SMARCA4: variants seen among roughly 807,000 people sequenced by gnomAD.
SMARCA4 encodes the protein SWI/SNF-related matrix-associated actin-dependent regulator of chromatin subfamily A member 4.
SMARCA4 carries 31 observed loss-of-function variants against 193.9 expected under a neutral mutation model. The ratio of observed to expected loss-of-function variants is 0.16; its 90% CI spans 0.12 to 0.22. The LOEUF is 0.22. Among genes scored for constraint, SMARCA4 ranks in the 10% least tolerant of loss-of-function variants. The pLI is 1.00. For missense variants in SMARCA4, 1,148 were observed against 2,296.0 expected (o/e 0.50, Z 10.22); for synonymous variants, 942 against 933.1 (o/e 1.01, Z -0.17).
chr19:11,031,118 A>C lies in SMARCA4; in HGVS notation c.3546+225A>C, dbSNP rs886354408. ...AGCCTTTCCCTCTGATTGGGAAAGC[A>C]GTGTATAAGCCATCCGTCGGTTTGG... On this transcript the variant is annotated intron_variant, in intron 25 of 34. Transcript: ENST00000344626. The surrounding 1 kb of genome is among the most constrained non-coding windows in gnomAD (Gnocchi z 4.3). The C allele has an allele frequency of 6.8e-6, 4 of 591,596 alleles. No individual in the cohort carries two copies. Among genetic ancestry groups the C allele is most frequent in the Non-Finnish European group, 1.2e-5 (4 of 328,130 alleles). The allele number at this position is 591,596 out of a possible 1,614,324, so 36.6% of individuals were successfully genotyped here.
At chr19:10,989,089 C>T (rs569875542) in intron 6 of SMARCA4, among the ~76,000 whole-genome samples, 12 of 152,310 alleles carry the variant, frequency 7.9e-5, no homozygotes, top group African/African-American at 2.4e-4. Context: ...ATGACCTGGG[C>T]GCGTCTATCA....
At chr19:11,007,404 T>G in intron 13 of SMARCA4, among the ~76,000 whole-genome samples, 1 of 135,748 alleles carries the variant, frequency 7.4e-6, no homozygotes, top group African/African-American at 2.8e-5. Flanking sequence ...CACTCCAGCT[T>G]GGGCAACAGA....
chr19:11,049,849 C>A (rs1395819202), intron 30 of SMARCA4, among the ~76,000 whole-genome samples: 1 of 152,248 alleles, frequency 6.6e-6, no homozygotes, highest in Non-Finnish European at 1.5e-5. Context: ...CATCTGTAAT[C>A]CCAGCACTTT....
chr19:11,046,867 G>C, intron 30 of SMARCA4, among the ~76,000 whole-genome samples: 1 of 148,316 alleles, frequency 6.7e-6, no homozygotes, highest in East Asian at 2.0e-4. Flanking sequence ...GAGGCAGAAG[G>C]ACCACAAGAA....
In SMARCA4 at chr19:11,002,280, C is replaced by T. The variant is rs186215376; in HGVS notation, c.1813-749C>T. ...AGATCACGAGGTCAGGAGATCGAGA[C>T]TGTCTTGGCTAACACAGTGAAACCC... is the stretch of plus-strand genomic sequence containing the variant. On this transcript the variant is annotated intron_variant, in intron 11 of 34. Coordinates refer to ENST00000344626, the MANE Select transcript of SMARCA4 (RefSeq NM_003072.5). 6.2e-3 allele frequency among the ~76,000 whole-genome samples: 936 copies of T among 151,370 alleles called. 15 individuals are homozygous for T. Among genetic ancestry groups the T allele is most frequent in the African/African-American group, 0.022 (907 of 41,180 alleles).
At chr19:11,054,011 T>C (rs985639085) in intron 30 of SMARCA4, among the ~76,000 whole-genome samples, 4 of 152,104 alleles carry the variant, frequency 2.6e-5, no homozygotes, top group African/African-American at 7.2e-5. Context: ...GGGCCAAAGA[T>C]GGGAACAAGC....
intron 30 of SMARCA4, among the ~76,000 whole-genome samples, chr19:11,052,979 C>T (rs1266502423): frequency 2.0e-5 from 3 of 152,232 alleles, no homozygotes; most frequent in Admixed American, 1.3e-4. Context: ...ACAGGAGCCA[C>T]ACCTGGGTTC....
intron 19 of SMARCA4, among the ~76,000 whole-genome samples, 175 bp from the exon 20 acceptor site, chr19:11,023,343 G>A (rs1436611147): frequency 6.6e-6 from 1 of 152,208 alleles, no homozygotes; most frequent in East Asian, 1.9e-4. Flanking sequence ...CTAAGGAAGA[G>A]GGTGCCCTGC....
chr19:11,053,064 A>C (rs2076348394), intron 30 of SMARCA4, among the ~76,000 whole-genome samples: 1 of 151,832 alleles, frequency 6.6e-6, no homozygotes, highest in Non-Finnish European at 1.5e-5. Flanking sequence ...GTGGTTTCCA[A>C]ACTTGGGTTC....
chr19:10,994,314 C>T (rs1025235563), intron 8 of SMARCA4, among the ~76,000 whole-genome samples: 9 of 121,978 alleles, frequency 7.4e-5, no homozygotes, highest in Admixed American at 2.6e-4. Flanking sequence ...AAGCGATATT[C>T]TAGGTTTTTT....
chr19:11,041,230 C>T lies in SMARCA4; in HGVS notation c.4171-77C>T, dbSNP rs2146808364. 6.7e-7 allele frequency: 1 copy of T among 1,487,782 alleles called. No individual in the cohort carries two copies. Among genetic ancestry groups the T allele is most frequent in the Non-Finnish European group, 9.1e-7 (1 of 1,101,190 alleles). The allele number at this position is 1,487,782 out of a possible 1,614,324, so 92.2% of individuals were successfully genotyped here. A position where few individuals can be genotyped will look rare whatever the true frequency, so the allele number is the denominator to read the frequency against. On this transcript the variant is annotated intron_variant, in intron 29 of 34. Transcript: ENST00000344626. The surrounding 1 kb of genome is among the most constrained non-coding windows in gnomAD (Gnocchi z 5.6). ...GGCCCTCCTCCGTGTCCCAGCCCGG[C>T]CCCTGGGATTGCGTCGCGGCCTCTG...
rs1019543064 is a variant in SMARCA4 at position 11,002,913 on chromosome 19, G to A, written c.1813-116G>A. ...TACGCATTTTCCCACCACTGGCCATGTTTGCCTGCCATTTTCTGTGCAAAC... is the reference window on the plus strand; with the variant it reads ...TACGCATTTTCCCACCACTGGCCATATTTGCCTGCCATTTTCTGTGCAAAC... On this transcript the variant is annotated intron_variant, in intron 11 of 34. Coordinates refer to ENST00000344626, the MANE Select transcript of SMARCA4 (RefSeq NM_003072.5). 6 of 1,145,990 alleles carry A rather than the reference G, an allele frequency of 5.2e-6. No homozygotes were observed. In the African/African-American group the frequency reaches 7.6e-5, roughly 14 times the overall value. 71.0% of individuals were successfully genotyped at this position (1,145,990 alleles called of 1,614,324 possible).
intron 1 of SMARCA4, among the ~76,000 whole-genome samples, chr19:10,963,370 C>CA (rs755616481): frequency 0.17 from 9,010 of 52,476 alleles, 464 homozygotes; most frequent in Middle Eastern, 0.2. Flanking sequence ...AAGACTGTCT[C>CA]AAAAAAAAAA....
At chr19:11,037,379 G>A (rs1161714130) in intron 29 of SMARCA4, among the ~76,000 whole-genome samples, 1 of 152,186 alleles carries the variant, frequency 6.6e-6, no homozygotes, top group African/African-American at 2.4e-5. Flanking sequence ...CCATCTGAGT[G>A]TGGTTGGATT....
chr19:11,053,557 T>C (rs1458554045), intron 30 of SMARCA4, among the ~76,000 whole-genome samples: 1 of 152,118 alleles, frequency 6.6e-6, no homozygotes, highest in African/African-American at 2.4e-5. Context: ...TGTGGTTCCC[T>C]TCATGGAACA....
At chr19:10,972,234 C>T (rs1266756079) in intron 1 of SMARCA4, among the ~76,000 whole-genome samples, 2 of 152,122 alleles carry the variant, frequency 1.3e-5, no homozygotes, top group African/African-American at 4.8e-5. Context: ...GTTGGAATTA[C>T]AGGCATGAGC....
rs1568564207 is a variant in SMARCA4, at chr19:11,059,741, GTC to G, written c.4636-8_4636-7del. The G allele has an allele frequency of 1.3e-6, 2 of 1,558,642 alleles. No individual in the cohort carries two copies. The highest frequency in any genetic ancestry group is 1.7e-6 in the Non-Finnish European group (2 of 1,151,268). Reference sequence around the variant, plus strand: ...GGGCCCATCCACTCAAGCCCCTGGTGTCTCTGCCCAGATCTATGAAGACTCCA... The same window carrying G: ...GGGCCCATCCACTCAAGCCCCTGGTGTCTGCCCAGATCTATGAAGACTCCA... On this transcript the variant is annotated splice_polypyrimidine_tract_variant and intron_variant, in intron 32 of 34. Transcript: ENST00000344626.
intron 16 of SMARCA4, 147 bp from the exon 17 acceptor site, chr19:11,018,810 C>T (rs1421993947): frequency 1.3e-6 from 1 of 776,822 alleles, no homozygotes; most frequent in Non-Finnish European, 2.4e-6. Context: ...TCCCTCCCTC[C>T]CTCAGCTGCC....
At position 10,991,383 on chromosome 19, in the gene SMARCA4, G is replaced by A. The variant is rs1292670969; in HGVS notation, c.1419+60G>A. 14 of 1,551,036 alleles carry A rather than the reference G, an allele frequency of 9.0e-6. No individual in the cohort carries two copies. In the East Asian group the frequency reaches 3.4e-4, roughly 38 times the overall value. ...CCCACCTGGCTGCCTGGCTTGTCCAGCGGTTGCCACGGGGCTGTGTTTGCT... is the reference window on the plus strand; with the variant it reads ...CCCACCTGGCTGCCTGGCTTGTCCAACGGTTGCCACGGGGCTGTGTTTGCT... On this transcript the variant is annotated intron_variant, in intron 8 of 34. Transcript: ENST00000344626.
Sources: gnomAD v4.1 joint callset for allele counts (sites outside exome capture counted in the v4.1 genomes callset) on GRCh38, gnomAD v4.1.1 for gene constraint, Gnocchi (gnomAD v3.1) non-coding constraint, MANE v1.5 for transcripts, NCBI Gene and HGNC (gene_info 2026-07-23, HGNC 2026-07-21) for gene names.